The following ZNF652 variants were observed in gnomAD, a reference collection of about 807,000 sequenced individuals.
The protein encoded by ZNF652 is zinc finger protein 652.
Under a neutral mutation model 45.2 loss-of-function variants are expected in ZNF652, and 16 were observed. The observed-to-expected ratio is 0.35, with a 90% CI of 0.24 to 0.54. The LOEUF (loss-of-function observed/expected upper bound fraction) is 0.54. Ranked by LOEUF, ZNF652 falls within the 20% of genes least tolerant of loss-of-function variation. The pLI is 0.91. For missense variants in ZNF652, 614 were observed against 765.6 expected (o/e 0.80, Z 2.34); for synonymous variants, 250 against 260.6 (o/e 0.96, Z 0.39).
intron 5 of ZNF652, among the ~76,000 whole-genome samples, chr17:49,309,508 G>GGAAA (rs777400745): frequency 6.8e-6 from 1 of 147,374 alleles, no homozygotes; most frequent in Non-Finnish European, 1.5e-5. Context: ...ACTCCATCTC[G>GGAAA]GAAAAAAAAA....
chr17:49,362,074 G>C lies in ZNF652; in HGVS notation c.-424C>G, dbSNP rs1567705347. 1 of 149,400 alleles carries C rather than the reference G, an allele frequency of 6.7e-6. No individual in the cohort carries two copies. The highest frequency in any genetic ancestry group is 1.5e-5 in the Non-Finnish European group (1 of 66,904). 9.3% of individuals were successfully genotyped at this position (149,400 alleles called of 1,614,324 possible). On this transcript the variant is annotated 5_prime_UTR_variant, in exon 1 of 6. Transcript: ENST00000430262. Reference sequence around the variant, plus strand: ...AGGGCCGCTCCTCAGACCCGGCCTCGGCCGCTGCCGCTGCCGCCGCAGCGC... The same window carrying C: ...AGGGCCGCTCCTCAGACCCGGCCTCCGCCGCTGCCGCTGCCGCCGCAGCGC...
Position 49,293,050 on chromosome 17 carries a change from G to C in ZNF652, c.*5363C>G, listed in dbSNP as rs192433579. 1.4e-3 allele frequency among the ~76,000 whole-genome samples: 218 copies of C among 152,306 alleles called. 2 individuals are homozygous for C. Among genetic ancestry groups the C allele is most frequent in the African/African-American group, 5.0e-3 (206 of 41,580 alleles). On this transcript the variant is annotated 3_prime_UTR_variant, in exon 6 of 6. Coordinates refer to ENST00000430262, the MANE Select transcript of ZNF652 (RefSeq NM_001145365.3). ...AAGCTGCAGTGACATCAGAGGATTA[G>C]AGAGAGGTGCATACTCATGTGTCTG...
At chr17:49,310,284 T>C (rs2069692286) in intron 5 of ZNF652, among the ~76,000 whole-genome samples, 1 of 152,182 alleles carries the variant, frequency 6.6e-6, no homozygotes, top group African/African-American at 2.4e-5. Flanking sequence ...CACCACTCTG[T>C]AGACTAATGG....
chr17:49,313,317 G>A (rs952707927), intron 2 of ZNF652, among the ~76,000 whole-genome samples: 10 of 151,780 alleles, frequency 6.6e-5, no homozygotes, highest in Non-Finnish European at 1.5e-4. Flanking sequence ...CACCATTCCC[G>A]GCTAATTTTT....
chr17:49,333,741 A>AAAG (rs1555551113), intron 1 of ZNF652, among the ~76,000 whole-genome samples: 6,170 of 137,798 alleles, frequency 0.045, 18 homozygotes, highest in Non-Finnish European at 0.067. Context: ...AAAAAAAAAA[A>AAAG]AAGAAGATAT....
At chr17:49,351,021 A>ATG (rs2070275061) in intron 1 of ZNF652, among the ~76,000 whole-genome samples, 2 of 71,984 alleles carry the variant, frequency 2.8e-5, no homozygotes, top group African/African-American at 7.0e-5. Flanking sequence ...ATATACACAC[A>ATG]CACACACACA....
intron 1 of ZNF652, among the ~76,000 whole-genome samples, chr17:49,334,527 C>T (rs2070059823): frequency 6.6e-6 from 1 of 152,002 alleles, no homozygotes; most frequent in Non-Finnish European, 1.5e-5. Flanking sequence ...GCCTGTAATC[C>T]CAGAACTACG....
chr17:49,306,814 G>A (rs565449300), intron 5 of ZNF652, among the ~76,000 whole-genome samples: 9 of 152,192 alleles, frequency 5.9e-5, no homozygotes, highest in East Asian at 5.8e-4. Context: ...ATGCAGTGGC[G>A]CGATCTCAGC....
chr17:49,293,894 AC>A lies in ZNF652; in HGVS notation c.*4518del, dbSNP rs1032989651. 6.6e-6 allele frequency among the ~76,000 whole-genome samples: 1 copy of A among 152,130 alleles called. No individual in the cohort carries two copies. The highest frequency in any genetic ancestry group is 1.5e-5 in the Non-Finnish European group (1 of 68,008). On this transcript the variant is annotated 3_prime_UTR_variant, in exon 6 of 6. Transcript: ENST00000430262. Reference sequence around the variant, plus strand: ...CAGCATTGAAATATTTATCATGTGGACCAGCAATGCAATAAAAGTTGTCTTT... The same window carrying A: ...CAGCATTGAAATATTTATCATGTGGACAGCAATGCAATAAAAGTTGTCTTT...
chr17:49,356,017 G>A (rs1212249591), intron 1 of ZNF652, among the ~76,000 whole-genome samples: 1 of 152,044 alleles, frequency 6.6e-6, no homozygotes, highest in African/African-American at 2.4e-5. Flanking sequence ...TTGCTCTTAG[G>A]TTGACTTGGG....
intron 1 of ZNF652, among the ~76,000 whole-genome samples, chr17:49,352,140 A>G (rs927667924): frequency 5.3e-5 from 8 of 152,244 alleles, no homozygotes; most frequent in Admixed American, 3.3e-4. Context: ...TCCAATGGAC[A>G]AACTGTAATT....
intron 1 of ZNF652, among the ~76,000 whole-genome samples, chr17:49,331,040 G>C (rs1453324828): frequency 3.4e-5 from 5 of 148,476 alleles, no homozygotes; most frequent in South Asian, 2.1e-4. Flanking sequence ...ATTGCATCCA[G>C]CCTGGGCAGT....
chr17:49,336,942 G>GTTT (rs200178711), intron 1 of ZNF652, among the ~76,000 whole-genome samples: 79 of 115,142 alleles, frequency 6.9e-4, no homozygotes, highest in African/African-American at 2.2e-3. Flanking sequence ...TCTTAATGGT[G>GTTT]TTTTTTTTTT....
At chr17:49,356,191 G>A (rs928583722) in intron 1 of ZNF652, among the ~76,000 whole-genome samples, 4 of 151,850 alleles carry the variant, frequency 2.6e-5, no homozygotes, top group Admixed American at 6.6e-5. Context: ...ACTTTGGGAG[G>A]CCAAGGCAGG....
chr17:49,345,618 G>T (rs539552977), intron 1 of ZNF652, among the ~76,000 whole-genome samples: 180 of 150,938 alleles, frequency 1.2e-3, no homozygotes, highest in African/African-American at 4.2e-3. Context: ...GAGGTGGGCC[G>T]ATCACGAGGT....
At chr17:49,348,227 G>T (rs531338038) in intron 1 of ZNF652, among the ~76,000 whole-genome samples, 2 of 152,074 alleles carry the variant, frequency 1.3e-5, no homozygotes, top group Admixed American at 1.3e-4. Flanking sequence ...GCATGGTGGC[G>T]TATGTCTAAC....
At chr17:49,312,082 C>A in intron 3 of ZNF652, 40 bp from the exon 4 acceptor site, 1 of 1,503,334 alleles carries the variant, frequency 6.7e-7, no homozygotes, top group Non-Finnish European at 9.2e-7. Context: ...ACAAAATCCA[C>A]CAAAAAGCTC....
chr17:49,310,006 T>C (rs945895905), intron 5 of ZNF652, among the ~76,000 whole-genome samples: 17 of 152,142 alleles, frequency 1.1e-4, no homozygotes, highest in African/African-American at 4.1e-4. Context: ...CAGGCTGGAG[T>C]GCAGTGGTGC....
chr17:49,297,082 T>C lies in ZNF652; in HGVS notation c.*1331A>G, dbSNP rs2069486928. ...TCACTATATTTAAACTGTGTTAAAA[T>C]AGCTCAAGGTTGTGAACATATCCAC... On this transcript the variant is annotated 3_prime_UTR_variant, in exon 6 of 6. Transcript: ENST00000430262. The C allele has an allele frequency of 2.0e-5, 3 of 152,220 alleles. No homozygotes were observed. Among genetic ancestry groups the C allele is most frequent in the Non-Finnish European group, 2.9e-5 (2 of 68,046 alleles). 9.4% of individuals were successfully genotyped at this position (152,220 alleles called of 1,614,324 possible). A position where few individuals can be genotyped will look rare whatever the true frequency, so the allele number is the denominator to read the frequency against.
Sources: gnomAD v4.1 joint callset for allele counts (sites outside exome capture counted in the v4.1 genomes callset) on GRCh38, gnomAD v4.1.1 for gene constraint, MANE v1.5 for transcripts, NCBI Gene and HGNC (gene_info 2026-07-23, HGNC 2026-07-21) for gene names.